CYP39A1: variants seen among roughly 807,000 people sequenced by gnomAD.
The protein encoded by CYP39A1 is 24-hydroxycholesterol 7-alpha-hydroxylase.
In CYP39A1, 49 loss-of-function variants were observed where a neutral mutation model predicts 58.1. That is an observed-to-expected ratio of 0.84 (90% CI 0.67 to 1.07). CYP39A1 has a LOEUF of 1.07. Among genes scored for constraint, CYP39A1 ranks in the 50% least tolerant of loss-of-function variants. The probability of loss-of-function intolerance (pLI) is 0.00; values close to 1 mark genes in which losing one functional copy is unlikely to be tolerated. For synonymous variants in CYP39A1, 209 were observed against 187.6 expected, an observed-to-expected ratio of 1.11 and a Z score of -0.93; for missense variants, 531 against 539.4, an observed-to-expected ratio of 0.98 and a Z score of 0.16.
chr6:46,650,678 AT>A (rs61136694), intron 1 of CYP39A1, among the ~76,000 whole-genome samples: 62,954 of 150,102 alleles, frequency 0.42, 13,564 homozygotes, highest in East Asian at 0.55. Context: ...TAAATTTTTT[AT>A]TTTTCTATTT....
intron 8 of CYP39A1, among the ~76,000 whole-genome samples, chr6:46,595,573 G>A (rs1350244752): frequency 3.3e-5 from 5 of 151,862 alleles, no homozygotes; most frequent in African/African-American, 4.8e-5. Flanking sequence ...GGTAGTTACC[G>A]GGGATTGAAG....
intron 7 of CYP39A1, among the ~76,000 whole-genome samples, chr6:46,613,156 T>C (rs1774318079): frequency 6.6e-6 from 1 of 152,258 alleles, no homozygotes; most frequent in South Asian, 2.1e-4. Flanking sequence ...CTAGTGTTTA[T>C]ACTTGTTTGT....
At chr6:46,635,692 C>G (rs1417233231) in intron 5 of CYP39A1, among the ~76,000 whole-genome samples, 2 of 152,158 alleles carry the variant, frequency 1.3e-5, no homozygotes, top group African/African-American at 4.8e-5. Context: ...GTAGCCGGTA[C>G]CACAGGTGTG....
chr6:46,606,287 TTA>T (rs1473556646), intron 7 of CYP39A1, among the ~76,000 whole-genome samples: 5 of 152,176 alleles, frequency 3.3e-5, no homozygotes, highest in Non-Finnish European at 5.9e-5. Context: ...TAAAATATTT[TTA>T]GTTTCTCAAA....
chr6:46,621,692 C>T (rs1173624354), intron 7 of CYP39A1, among the ~76,000 whole-genome samples: 5 of 152,046 alleles, frequency 3.3e-5, no homozygotes, highest in Non-Finnish European at 7.4e-5. Flanking sequence ...AAAAGAAAAT[C>T]TTAGGACCAG....
chr6:46,623,266 A>G (rs1054729611), intron 7 of CYP39A1, among the ~76,000 whole-genome samples: 2 of 151,946 alleles, frequency 1.3e-5, no homozygotes, highest in Non-Finnish European at 2.9e-5. Context: ...TAGCATTTCA[A>G]TCAGTAGACT....
At chr6:46,586,354 AATC>A (rs1772472971) in intron 10 of CYP39A1, 1 of 984,496 alleles carries the variant, frequency 1.0e-6, no homozygotes, top group Non-Finnish European at 1.2e-6. Context: ...TCCCCTACAG[AATC>A]ATCCCCAATG....
At chr6:46,560,461 T>G (rs1223224106) in intron 10 of CYP39A1, among the ~76,000 whole-genome samples, 1 of 152,156 alleles carries the variant, frequency 6.6e-6, no homozygotes, top group Non-Finnish European at 1.5e-5. Context: ...CTCCAAAGTT[T>G]TCGACTTGAG....
chr6:46,563,927 C>A (rs752760713), intron 10 of CYP39A1, among the ~76,000 whole-genome samples: 6 of 151,692 alleles, frequency 4.0e-5, no homozygotes, highest in Non-Finnish European at 5.9e-5. Flanking sequence ...GGTAGTGGCA[C>A]CAGAATCTCA....
intron 5 of CYP39A1, among the ~76,000 whole-genome samples, chr6:46,632,607 C>A (rs949412188): frequency 1.3e-5 from 2 of 152,032 alleles, no homozygotes; most frequent in African/African-American, 4.8e-5. Flanking sequence ...GTTCCTCTCC[C>A]CCCTCCCAAT....
intron 7 of CYP39A1, among the ~76,000 whole-genome samples, chr6:46,602,845 A>G (rs1197246038): frequency 6.8e-6 from 1 of 147,548 alleles, no homozygotes; most frequent in Non-Finnish European, 1.5e-5. Flanking sequence ...AGGTAAATAC[A>G]CTTAGTGGGT....
intron 10 of CYP39A1, among the ~76,000 whole-genome samples, chr6:46,554,179 T>C (rs998660964): frequency 6.6e-6 from 1 of 152,220 alleles, no homozygotes; most frequent in Non-Finnish European, 1.5e-5. Flanking sequence ...GCTATTTCAA[T>C]TTAAATACAT....
intron 11 of CYP39A1, among the ~76,000 whole-genome samples, chr6:46,550,802 T>C (rs746164745): frequency 6.6e-6 from 1 of 152,196 alleles, no homozygotes; most frequent in Non-Finnish European, 1.5e-5. Flanking sequence ...GAGATCTCCA[T>C]ACTGCAGGTT....
intron 7 of CYP39A1, among the ~76,000 whole-genome samples, chr6:46,599,620 C>T (rs1008091): frequency 0.12 from 18,993 of 152,128 alleles, 1,233 homozygotes; most frequent in Middle Eastern, 0.18. Flanking sequence ...TCTGAATGTA[C>T]CCCAAGACTG....
At chr6:46,637,740 G>C (rs1001524025) in intron 4 of CYP39A1, 89 bp downstream of exon 4, 65 of 1,417,968 alleles carry the variant, frequency 4.6e-5, no homozygotes, top group Admixed American at 3.6e-4. Flanking sequence ...TTAAACTGCT[G>C]TTACATCTAC....
Position 46,550,328 on chromosome 6 carries a change from C to A in CYP39A1, c.*38G>T, listed in dbSNP as rs1770321167. 1 of 1,587,910 alleles carries A rather than the reference C, an allele frequency of 6.3e-7. No individual in the cohort carries two copies. Among genetic ancestry groups the A allele is most frequent in the African/African-American group, 1.4e-5 (1 of 73,984 alleles). On this transcript the variant is annotated 3_prime_UTR_variant, in exon 12 of 12. Coordinates refer to ENST00000275016, the MANE Select transcript of CYP39A1 (RefSeq NM_016593.5). ...GCTGCCAGGTGGGGTAGTGCCACTC[C>A]TCCAGAAGGCCCTGGTCCTTGTGAG...
intron 8 of CYP39A1, among the ~76,000 whole-genome samples, chr6:46,594,935 T>C (rs150943183): frequency 7.3e-4 from 111 of 151,956 alleles, no homozygotes; most frequent in Admixed American, 2.2e-3. Flanking sequence ...ATCCAAAATA[T>C]ACAAGAAACT....
At chr6:46,647,927 G>A (rs961146766) in intron 1 of CYP39A1, among the ~76,000 whole-genome samples, 3 of 152,048 alleles carry the variant, frequency 2.0e-5, no homozygotes, top group African/African-American at 7.2e-5. Context: ...TGTATCACTG[G>A]CCATCAAATA....
intron 7 of CYP39A1, among the ~76,000 whole-genome samples, chr6:46,602,689 C>CAAAAAAA (rs35833432): frequency 1.9e-4 from 9 of 46,874 alleles, no homozygotes; most frequent in Non-Finnish European, 2.5e-4. Flanking sequence ...GTGCACGTCT[C>CAAAAAAA]AAAAAAAAAA....
Sources: gnomAD v4.1 joint callset for allele counts (sites outside exome capture counted in the v4.1 genomes callset) on GRCh38, gnomAD v4.1.1 for gene constraint, MANE v1.5 for transcripts, NCBI Gene and HGNC (gene_info 2026-07-23, HGNC 2026-07-21) for gene names.